The following PCM1 variants were observed in gnomAD, a reference collection of about 807,000 sequenced individuals.
The protein encoded by PCM1 is pericentriolar material 1 protein.
PCM1 carries 157 observed loss-of-function variants against 241.9 expected under a neutral mutation model. The observed-to-expected ratio is 0.65, with a 90% CI of 0.57 to 0.74. PCM1 has a LOEUF of 0.74. PCM1 is among the 30% of genes least tolerant of loss of function. The probability of loss-of-function intolerance (pLI) is 0.00; values close to 1 mark genes in which losing one functional copy is unlikely to be tolerated. For synonymous variants in PCM1, 1,085 were observed against 784.9 expected (o/e 1.38, Z -6.39); for missense variants, 3,478 against 2,360.1 (o/e 1.47, Z -9.81).
chr8:18,024,048 C>G (rs567883936), intron 36 of PCM1, among the ~76,000 whole-genome samples: 1 of 152,094 alleles, frequency 6.6e-6, no homozygotes, highest in African/African-American at 2.4e-5. Flanking sequence ...ACCAAAACCC[C>G]CATAAAACAA....
At chr8:17,973,796 C>CT (rs1249799286) in intron 23 of PCM1, among the ~76,000 whole-genome samples, 1 of 151,982 alleles carries the variant, frequency 6.6e-6, no homozygotes, top group Admixed American at 6.6e-5. Flanking sequence ...GCATTGCACA[C>CT]TGCTAACTCC....
rs757618506 is a variant in PCM1, at chr8:18,014,816, A to G, written c.5817A>G (p.Glu1939=). The change falls in exon 36 of 39, where the codon GAA becomes GAG. Residue 1939 remains glutamate (E), a synonymous_variant. Coordinates refer to ENST00000325083, the MANE Select transcript of PCM1 (RefSeq NM_006197.4). ...CTCTGGCTGGAAGTCCTGATACTGA[A>G]TCTCCAGTGTTAGTGAATGACTATG... The part of the protein sequence containing the change: ...ESSLAGSPDT[E]SPVLVNDYEA... 2 of 1,601,834 alleles carry G rather than the reference A, an allele frequency of 1.2e-6. No homozygotes were observed. The highest frequency in any genetic ancestry group is 1.1e-5 in the South Asian group (1 of 90,416).
intron 29 of PCM1, 68 bp downstream of exon 29, chr8:17,993,687 T>A: frequency 7.4e-7 from 1 of 1,351,506 alleles, no homozygotes; most frequent in Non-Finnish European, 1.0e-6. Flanking sequence ...ACAGAAGACC[T>A]TATTGTGATA....
At chr8:17,943,769 A>G (rs886341280) in intron 6 of PCM1, among the ~76,000 whole-genome samples, 2 of 152,004 alleles carry the variant, frequency 1.3e-5, no homozygotes, top group Non-Finnish European at 2.9e-5. Context: ...TTTTTTCTCT[A>G]CTCTGCAGGA....
At position 18,011,586 on chromosome 8, in the gene PCM1, C is replaced by T. The variant is rs186895954; in HGVS notation, c.5351-81C>T. On this transcript the variant is annotated intron_variant, in intron 33 of 38. Transcript: ENST00000325083. ...GATACTGTATATAAAGCATCTGTGC[C>T]ATGCAGGAATGCAGTAAGTGGTAGC... is the stretch of plus-strand genomic sequence containing the variant. 1.2e-4 allele frequency: 160 copies of T among 1,287,978 alleles called. No homozygotes were observed. In the African/African-American group the frequency reaches 2.3e-3, roughly 18 times the overall value. 79.8% of individuals were successfully genotyped at this position (1,287,978 alleles called of 1,614,324 possible). A position where few individuals can be genotyped will look rare whatever the true frequency, so the allele number is the denominator to read the frequency against.
At chr8:17,993,340 G>A (rs566889635) in intron 28 of PCM1, 143 bp from the exon 29 acceptor site, 2 of 460,166 alleles carry the variant, frequency 4.3e-6, no homozygotes, top group East Asian at 7.3e-5. Context: ...AATTGATAGG[G>A]GTGCTTAAAC....
intron 29 of PCM1, among the ~76,000 whole-genome samples, chr8:18,003,179 A>T (rs2090180938): frequency 6.6e-6 from 1 of 152,232 alleles, no homozygotes; most frequent in South Asian, 2.1e-4. Context: ...TGAGATGTTA[A>T]TCTCTTTTGG....
intron 23 of PCM1, among the ~76,000 whole-genome samples, chr8:17,976,050 T>A (rs1169811901): frequency 6.6e-6 from 1 of 152,192 alleles, no homozygotes; most frequent in Non-Finnish European, 1.5e-5. Flanking sequence ...GCCTTCTGGG[T>A]TCTTACTGTC....
In PCM1 at chr8:17,986,056, C is replaced by G. The variant is rs1249414631; in HGVS notation, c.4379C>G (p.Thr1460Ser). 1 of 1,598,184 alleles carries G rather than the reference C, an allele frequency of 6.3e-7. No homozygotes were observed. The highest frequency in any genetic ancestry group is 8.5e-7 in the Non-Finnish European group (1 of 1,171,352). ...GTWIASNSEL[T>S]PSESLATTDD... ...TGGATAGCATCAAACTCAGAACTTA[C>G]TCCTAGTGAGAGCCTTGCTACTACT... Residue 1460 changes from threonine to serine, a missense_variant, in exon 26 of 39, where the codon ACT becomes AGT. Thr to Ser is a moderately conservative substitution (Grantham distance 58). Transcript: ENST00000325083.
chr8:18,021,443 T>C (rs1468197171), intron 36 of PCM1, among the ~76,000 whole-genome samples: 3 of 152,192 alleles, frequency 2.0e-5, no homozygotes, highest in African/African-American at 4.8e-5. Context: ...GAGGTATCAG[T>C]ACATTCTTGC....
intron 7 of PCM1, among the ~76,000 whole-genome samples, chr8:17,950,172 A>G (rs1006170050): frequency 6.6e-6 from 1 of 152,156 alleles, no homozygotes. Flanking sequence ...AAAGTTTAAC[A>G]TATTTACTAT....
chr8:17,966,055 C>G lies in PCM1; in HGVS notation c.2912C>G (p.Thr971Arg), dbSNP rs1298240343. 1.9e-6 allele frequency: 3 copies of G among 1,613,590 alleles called. No individual in the cohort carries two copies. Among genetic ancestry groups the G allele is most frequent in the Non-Finnish European group, 2.5e-6 (3 of 1,179,820 alleles). Residue 971 changes from threonine (T) to arginine (R), a missense_variant, in exon 19 of 39, where the codon ACA becomes AGA. Coordinates refer to ENST00000325083, the MANE Select transcript of PCM1 (RefSeq NM_006197.4). ...ADENYRPLAK[T>R]RQQNISMQRQ... ...GAAAATTATCGTCCTTTAGCCAAGA[C>G]AAGGCAACAGAATATCAGCATGCAA...
rs566281992 is a variant in PCM1 at position 17,985,183 on chromosome 8, A to G, written c.4109-264A>G. On this transcript the variant is annotated intron_variant, in intron 24 of 38. Transcript: ENST00000325083. Reference sequence around the variant, plus strand: ...TATTTTCTGTATATTTTATATGATCAGAAATAAACATGGTTCTTAGTAATG... The same window carrying G: ...TATTTTCTGTATATTTTATATGATCGGAAATAAACATGGTTCTTAGTAATG... Among the ~76,000 whole-genome samples the G allele has an allele frequency of 5.3e-5, 8 of 152,008 alleles. No homozygotes were observed. In the South Asian group the frequency reaches 8.3e-4, roughly 16 times the overall value.
At chr8:17,950,286 T>G (rs2065533064) in intron 7 of PCM1, among the ~76,000 whole-genome samples, 1 of 152,218 alleles carries the variant, frequency 6.6e-6, no homozygotes, top group African/African-American at 2.4e-5. Context: ...TTTTTTACAC[T>G]ATCACTTTCC....
chr8:17,954,602 A>G (rs1203984442), intron 9 of PCM1, among the ~76,000 whole-genome samples: 1 of 152,142 alleles, frequency 6.6e-6, no homozygotes, highest in Non-Finnish European at 1.5e-5. Flanking sequence ...TAGACTCGTC[A>G]AGGAATAGAA....
intron 21 of PCM1, among the ~76,000 whole-genome samples, chr8:17,968,415 C>G (rs1174043622): frequency 5.9e-5 from 9 of 152,128 alleles, no homozygotes; most frequent in African/African-American, 2.2e-4. Context: ...GAAGATTTAG[C>G]TGGTGAACAG....
intron 17 of PCM1, among the ~76,000 whole-genome samples, chr8:17,963,519 T>G (rs145989714): frequency 5.4e-4 from 83 of 152,326 alleles, no homozygotes; most frequent in African/African-American, 1.8e-3. Context: ...CTATGGCACT[T>G]GATCAAATGG....
At chr8:17,947,112 T>G in intron 6 of PCM1, 74 bp from the exon 7 acceptor site, 1 of 844,404 alleles carries the variant, frequency 1.2e-6, no homozygotes, top group Non-Finnish European at 1.9e-6. Context: ...ATGTGTATAC[T>G]TTGCCATTGA....
rs1474527711 is a variant in PCM1 at position 17,972,372 on chromosome 8, C to T, written c.3628C>T (p.Pro1210Ser). 1.5e-5 allele frequency: 23 copies of T among 1,579,390 alleles called. No homozygotes were observed. Among genetic ancestry groups the T allele is most frequent in the Non-Finnish European group, 1.9e-5 (22 of 1,162,034 alleles). ...PEEEVESSRT[P>S]WLYEQEGEVE... ...AGAGGAGGTGGAAAGCAGTAGGACA[C>T]CATGGTTATATGAACAAGAAGGTGA... Residue 1210 changes from proline (P) to serine (S), a missense_variant, in exon 23 of 39, where the codon CCA (proline) becomes TCA (serine). Pro to Ser is a moderately conservative substitution (Grantham distance 74). Coordinates refer to ENST00000325083, the MANE Select transcript of PCM1 (RefSeq NM_006197.4).
Sources: allele counts gnomAD v4.1 joint callset (sites outside exome capture counted in the v4.1 genomes callset), GRCh38; gene constraint gnomAD v4.1.1; transcripts MANE v1.5; gene names NCBI Gene and HGNC (gene_info 2026-07-23, HGNC 2026-07-21).